Variants in SYNJ2 observed in about 807,000 individuals in gnomAD.
The protein encoded by SYNJ2 is polyphosphatidylinositol phosphatase SYNJ2.
Under a neutral mutation model 141.3 loss-of-function variants are expected in SYNJ2, and 116 were observed. The ratio of observed to expected loss-of-function variants is 0.82; its 90% CI spans 0.71 to 0.96. The LOEUF (loss-of-function observed/expected upper bound fraction) is 0.96. Among genes scored for constraint, SYNJ2 ranks in the 40% least tolerant of loss-of-function variants. SYNJ2 has a pLI of 0.00. For synonymous variants in SYNJ2, 745 were observed against 777.7 expected (o/e 0.96, Z 0.70); for missense variants, 1,873 against 1,934.8 (o/e 0.97, Z 0.60).
At chr6:158,037,562 C>A (rs951116353) in intron 4 of SYNJ2, among the ~76,000 whole-genome samples, 1 of 151,720 alleles carries the variant, frequency 6.6e-6, no homozygotes, top group African/African-American at 2.4e-5. Context: ...CCACCACGCC[C>A]GGCTAATTTT....
At chr6:158,082,952 A>G (rs540629675) in intron 20 of SYNJ2, among the ~76,000 whole-genome samples, 1 of 149,368 alleles carries the variant, frequency 6.7e-6, no homozygotes, top group South Asian at 2.1e-4. Flanking sequence ...TTTTTTTTTG[A>G]GATGGAGTCT....
At chr6:158,020,166 C>G (rs1018039731) in intron 2 of SYNJ2, among the ~76,000 whole-genome samples, 2 of 150,690 alleles carry the variant, frequency 1.3e-5, no homozygotes, top group African/African-American at 2.5e-5. Flanking sequence ...ATCTGTATGA[C>G]TCCAATTGTG....
intron 1 of SYNJ2, among the ~76,000 whole-genome samples, chr6:158,002,696 A>G (rs906314413): frequency 6.6e-6 from 1 of 152,086 alleles, no homozygotes; most frequent in African/African-American, 2.4e-5. Context: ...TTGGAGAGAA[A>G]TGGGTATTTT....
chr6:158,006,992 G>A (rs561118302), intron 1 of SYNJ2, among the ~76,000 whole-genome samples: 1 of 151,808 alleles, frequency 6.6e-6, no homozygotes, highest in Admixed American at 6.6e-5. Flanking sequence ...TTGAGACAGT[G>A]TCTCACTCTG....
intron 1 of SYNJ2, among the ~76,000 whole-genome samples, chr6:157,985,749 T>A (rs930622173): frequency 1.3e-5 from 2 of 152,124 alleles, no homozygotes; most frequent in Non-Finnish European, 2.9e-5. Context: ...GTGTTTACAG[T>A]GCGGGCTGTG....
At chr6:158,023,689 C>T (rs1433247150) in intron 2 of SYNJ2, among the ~76,000 whole-genome samples, 1 of 152,070 alleles carries the variant, frequency 6.6e-6, no homozygotes, top group Non-Finnish European at 1.5e-5. Flanking sequence ...CACCGTGTGC[C>T]GTGCTCCAGG....
At chr6:158,041,826 AG>A (rs1303587009) in intron 4 of SYNJ2, among the ~76,000 whole-genome samples, 4 of 152,172 alleles carry the variant, frequency 2.6e-5, no homozygotes. Context: ...TTCTTGCCTC[AG>A]CCTCCCGAAT....
At position 158,040,615 on chromosome 6, in the gene SYNJ2, C is replaced by T. The variant is rs554205448; in HGVS notation, c.712-2701C>T. On this transcript the variant is annotated intron_variant, in intron 4 of 26. Transcript: ENST00000355585. This position sits in a 1 kb window ranked among gnomAD's most constrained non-coding sequence, Gnocchi z 4.2. The stretch of plus-strand genomic sequence containing the variant: ...TCATTCAGGGAGGTTAGGATGACTG[C>T]GTGTCCTCCCAGGAATGCAGACTTG... Among the ~76,000 whole-genome samples, 4 of 152,178 alleles carry T rather than the reference C, an allele frequency of 2.6e-5. No individual in the cohort carries two copies. Among genetic ancestry groups the T allele is most frequent in the South Asian group, 2.1e-4 (1 of 4,800 alleles).
chr6:158,006,055 G>A (rs982444125), intron 1 of SYNJ2, among the ~76,000 whole-genome samples: 6 of 152,170 alleles, frequency 3.9e-5, no homozygotes, highest in Admixed American at 1.3e-4. Context: ...TCTCTCAGCT[G>A]CATCAATCCT....
chr6:158,036,585 G>C (rs1298373203), intron 4 of SYNJ2, among the ~76,000 whole-genome samples: 1 of 152,132 alleles, frequency 6.6e-6, no homozygotes, highest in Non-Finnish European at 1.5e-5. Context: ...TGGATACAAA[G>C]AGGGGAACAA....
At chr6:158,052,275 G>A (rs896244177) in intron 5 of SYNJ2, among the ~76,000 whole-genome samples, 32 of 152,184 alleles carry the variant, frequency 2.1e-4, no homozygotes, top group African/African-American at 7.7e-4. Flanking sequence ...GAACAAGAGG[G>A]AACTCCCATA....
At chr6:158,016,311 G>A (rs914105539) in intron 1 of SYNJ2, among the ~76,000 whole-genome samples, 5 of 152,164 alleles carry the variant, frequency 3.3e-5, no homozygotes, top group South Asian at 4.2e-4. Context: ...ATAGGGTTCC[G>A]CCACGTTGCC....
upstream of SYNJ2, among the ~76,000 whole-genome samples, chr6:157,981,352 C>T (rs1396713790): frequency 2.0e-5 from 3 of 152,166 alleles, no homozygotes; most frequent in African/African-American, 7.2e-5. The surrounding 1 kb of genome is among the most constrained non-coding windows in gnomAD (Gnocchi z 6.4). Context: ...GCTCCGCACC[C>T]GCTAAGCGCC....
chr6:158,033,378 AGCCACACTCGCTGTCCAG>A, intron 3 of SYNJ2, 59 bp from the exon 4 acceptor site: 1 of 1,511,626 alleles, frequency 6.6e-7, no homozygotes, highest in Non-Finnish European at 9.0e-7. Context: ...CCAGTTCCTC[AGCCACACTCGCTGTCCAG>A]GCAGCATGTA....
intron 12 of SYNJ2, among the ~76,000 whole-genome samples, chr6:158,067,019 G>GTT (rs892098153): frequency 1.1e-4 from 17 of 151,962 alleles, no homozygotes; most frequent in Non-Finnish European, 1.6e-4. Flanking sequence ...GTTTTGTTTT[G>GTT]TTGTTGTTTG....
chr6:158,036,221 A>C (rs1056401904), intron 4 of SYNJ2, among the ~76,000 whole-genome samples: 1 of 152,348 alleles, frequency 6.6e-6, no homozygotes, highest in Admixed American at 6.5e-5. Context: ...AAAAGTCGAA[A>C]AATAACAGAT....
intron 4 of SYNJ2, among the ~76,000 whole-genome samples, chr6:158,041,545 G>A (rs1156351682): frequency 2.0e-5 from 3 of 152,162 alleles, no homozygotes; most frequent in East Asian, 1.9e-4. Context: ...GGCAGGGAGG[G>A]GCATACAGAG....
chr6:158,060,158 G>A (rs931655317), intron 7 of SYNJ2, among the ~76,000 whole-genome samples: 6 of 152,154 alleles, frequency 3.9e-5, no homozygotes, highest in African/African-American at 1.2e-4. Context: ...CCTCTTCCTC[G>A]GGCTTTCATG....
At chr6:158,015,116 C>T (rs901430126) in intron 1 of SYNJ2, among the ~76,000 whole-genome samples, 2 of 152,200 alleles carry the variant, frequency 1.3e-5, no homozygotes, top group African/African-American at 2.4e-5. Flanking sequence ...ACACTTGCCT[C>T]TCTGAGTCAA....
Sources: allele counts gnomAD v4.1 joint callset (sites outside exome capture counted in the v4.1 genomes callset), GRCh38; gene constraint gnomAD v4.1.1; non-coding constraint Gnocchi (gnomAD v3.1); transcripts MANE v1.5; gene names NCBI Gene and HGNC (gene_info 2026-07-23, HGNC 2026-07-21).